The following PCDHA4 variants were observed in gnomAD, a reference collection of about 807,000 sequenced individuals.
The protein encoded by PCDHA4 is protocadherin alpha-4.
A neutral mutation model predicts 61.4 loss-of-function variants in PCDHA4; 49 were observed. The ratio of observed to expected loss-of-function variants is 0.80; its 90% CI spans 0.63 to 1.01. PCDHA4 has a LOEUF of 1.01. PCDHA4 is among the 50% of genes least tolerant of loss of function. The pLI is 0.00. For synonymous variants in PCDHA4, 590 were observed against 550.3 expected (o/e 1.07, Z -1.01); for missense variants, 1,254 against 1,235.8 (o/e 1.01, Z -0.22).
intron 1 of PCDHA4, chr5:140,877,580 C>T (rs559831598): frequency 2.5e-6 from 4 of 1,613,804 alleles, no homozygotes; most frequent in African/African-American, 1.3e-5. Context: ...CTCATCATCG[C>T]CATCTGTGCG....
chr5:140,808,479 G>A lies in PCDHA4; in HGVS notation c.1292G>A (p.Gly431Asp), dbSNP rs782290463. The A allele has an allele frequency of 3.1e-6, 5 of 1,614,186 alleles. No homozygotes were observed. Among genetic ancestry groups the A allele is most frequent in the Non-Finnish European group, 4.2e-6 (5 of 1,180,040 alleles). Residue 431 changes from glycine (G) to aspartate (D), a missense_variant, in exon 1 of 4, where the codon GGC (glycine) becomes GAC (aspartate). Physicochemically the swap from Gly to Asp is moderately conservative, Grantham distance 94 (BLOSUM62 -1). Transcript: ENST00000530339. ...YELVVTARDG[G>D]SPSLWATASV... The stretch of plus-strand genomic sequence containing the variant: ...CTGGTGGTGACCGCGCGAGACGGGG[G>A]CTCGCCTTCGCTGTGGGCCACGGCC...
intron 1 of PCDHA4, chr5:140,969,456 A>G (rs963968770): frequency 4.0e-6 from 6 of 1,508,992 alleles, no homozygotes; most frequent in Admixed American, 2.2e-5. Flanking sequence ...CTGAGTATAT[A>G]TAGTATCCAC....
At position 140,851,390 on chromosome 5, in the gene PCDHA4, C is replaced by A. The variant is rs1410826615; in HGVS notation, c.2385+41818C>A. The A allele has an allele frequency of 2.3e-5, 22 of 973,626 alleles. 2 individuals are homozygous for A. In the African/African-American group the frequency reaches 3.7e-4, roughly 16 times the overall value. The allele number at this position is 973,626 out of a possible 1,614,324, so 60.3% of individuals were successfully genotyped here. A position where few individuals can be genotyped will look rare whatever the true frequency, so the allele number is the denominator to read the frequency against. On this transcript the variant is annotated intron_variant, in intron 1 of 3. Transcript: ENST00000530339. ...CTGATTGTTCAGCAACCTTCAGTAT[C>A]TATTATTTTAATAAGAAAGAAACTT...
At chr5:140,939,060 A>G (rs1435006375) in intron 1 of PCDHA4, among the ~76,000 whole-genome samples, 1 of 152,208 alleles carries the variant, frequency 6.6e-6, no homozygotes, top group Non-Finnish European at 1.5e-5. Flanking sequence ...TTGGGCTGCT[A>G]TATCAAAATA....
At chr5:140,880,514 T>A (rs2058367516) in intron 1 of PCDHA4, among the ~76,000 whole-genome samples, 1 of 152,198 alleles carries the variant, frequency 6.6e-6, no homozygotes, top group African/African-American at 2.4e-5. Context: ...TTTGGTCACA[T>A]CTCTCAATGT....
chr5:140,927,416 C>T (rs782053183), intron 1 of PCDHA4: 6 of 1,613,980 alleles, frequency 3.7e-6, no homozygotes, highest in Admixed American at 3.3e-5. Context: ...GACATGGGAT[C>T]GCGGGTTGAC....
chr5:140,937,717 C>G (rs868958316), intron 1 of PCDHA4, among the ~76,000 whole-genome samples: 34 of 151,858 alleles, frequency 2.2e-4, no homozygotes, highest in African/African-American at 8.2e-4. Flanking sequence ...TCAAGACCAT[C>G]CTGGCTAACA....
At chr5:140,929,357 G>A (rs1554207016) in intron 1 of PCDHA4, 14 of 1,523,448 alleles carry the variant, frequency 9.2e-6, no homozygotes, top group Non-Finnish European at 1.2e-5. Flanking sequence ...TGATTCCTTT[G>A]GCCCGGAGAT....
intron 1 of PCDHA4, chr5:140,836,413 A>T (rs2150260051): frequency 6.2e-7 from 1 of 1,613,666 alleles, no homozygotes; most frequent in Non-Finnish European, 8.5e-7. Flanking sequence ...CAGGCACCAA[A>T]GGCGTCGTCG....
At chr5:140,878,099 C>T (rs1270449354) in intron 1 of PCDHA4, 2 of 277,184 alleles carry the variant, frequency 7.2e-6, no homozygotes, top group Non-Finnish European at 1.3e-5. Flanking sequence ...GACTGATGAA[C>T]CTTGAAAAAA....
intron 1 of PCDHA4, among the ~76,000 whole-genome samples, chr5:140,958,710 A>G (rs1446140877): frequency 1.3e-5 from 2 of 152,210 alleles, no homozygotes; most frequent in Non-Finnish European, 2.9e-5. Flanking sequence ...CAACTCTGTT[A>G]TAATAAATGT....
chr5:140,824,610 G>GTTGTTTTTTTTTTT (rs1768193318), intron 1 of PCDHA4: 1 of 95,104 alleles, frequency 1.1e-5, no homozygotes, highest in African/African-American at 4.9e-5. Flanking sequence ...GCTAATTAAA[G>GTTGTTTTTTTTTTT]TTTTTTTTTT....
At chr5:140,992,152 A>G (rs1440263664) in intron 3 of PCDHA4, among the ~76,000 whole-genome samples, 2 of 152,004 alleles carry the variant, frequency 1.3e-5, no homozygotes, top group Non-Finnish European at 2.9e-5. Context: ...ACTTTGCTCA[A>G]TCAAGAAGTG....
chr5:140,998,228 T>G (rs528236708), intron 3 of PCDHA4, among the ~76,000 whole-genome samples: 1 of 152,288 alleles, frequency 6.6e-6, no homozygotes, highest in East Asian at 1.9e-4. Flanking sequence ...ACCCAGAAAT[T>G]TGTGCATTAT....
intron 1 of PCDHA4, among the ~76,000 whole-genome samples, chr5:140,954,988 A>G (rs554115730): frequency 2.0e-5 from 3 of 152,204 alleles, no homozygotes; most frequent in Admixed American, 6.5e-5. Context: ...AATTTTCTGC[A>G]TATGGCTAGC....
In PCDHA4 at chr5:140,926,298, C is replaced by G. The variant is rs1337047837; in HGVS notation, c.2386-52651C>G. 3.3e-5 allele frequency: 5 copies of G among 152,328 alleles called. No homozygotes were observed. In the East Asian group the frequency reaches 5.8e-4, roughly 18 times the overall value. The allele number at this position is 152,328 out of a possible 1,614,324, so 9.4% of individuals were successfully genotyped here. Reference sequence around the variant, plus strand: ...TCGGCAGCTCCACGCTGAGTCCCGCCCTCTCCGCCGGAGAGGTGCGCCGGG... The same window carrying G: ...TCGGCAGCTCCACGCTGAGTCCCGCGCTCTCCGCCGGAGAGGTGCGCCGGG... On this transcript the variant is annotated intron_variant, in intron 1 of 3. Coordinates refer to ENST00000530339, the MANE Select transcript of PCDHA4 (RefSeq NM_018907.4).
chr5:141,006,379 G>GT (rs2098271047), intron 3 of PCDHA4, among the ~76,000 whole-genome samples: 1 of 151,748 alleles, frequency 6.6e-6, no homozygotes, highest in South Asian at 2.1e-4. Flanking sequence ...GCCCGGCTAA[G>GT]TTTTTTCTAT....
chr5:140,857,531 G>A, intron 1 of PCDHA4: 2 of 1,597,582 alleles, frequency 1.3e-6, no homozygotes, highest in East Asian at 2.2e-5. Context: ...CTCTCTGGTG[G>A]AGCGGCGGTT....
Position 140,807,639 on chromosome 5 carries a change from G to A in PCDHA4, c.452G>A (p.Arg151Gln). Residue 151 changes from arginine to glutamine, a missense_variant, in exon 1 of 4, where the codon CGG becomes CAG. Physicochemically the swap from Arg to Gln is conservative, Grantham distance 43. Transcript: ENST00000530339. ...SIAESRPLDS[R>Q]FPLEGASDAD... ...GCGGAATCCAGGCCGCTTGACTCTC[G>A]GTTTCCACTAGAGGGCGCCTCGGAT... 6.2e-7 allele frequency: 1 copy of A among 1,614,188 alleles called. No individual in the cohort carries two copies. The highest frequency in any genetic ancestry group is 8.5e-7 in the Non-Finnish European group (1 of 1,180,040).
Sources: gnomAD v4.1 joint callset for allele counts (sites outside exome capture counted in the v4.1 genomes callset) on GRCh38, gnomAD v4.1.1 for gene constraint, MANE v1.5 for transcripts, NCBI Gene and HGNC (gene_info 2026-07-23, HGNC 2026-07-21) for gene names.